The following PTDSS1 variants were observed in gnomAD, a reference collection of about 807,000 sequenced individuals.
PTDSS1 encodes the protein PSS-1.
In PTDSS1, 45 loss-of-function variants were observed where a neutral mutation model predicts 70.5. The ratio of observed to expected loss-of-function variants is 0.64; its 90% CI spans 0.50 to 0.82. PTDSS1 has a LOEUF of 0.82. Ranked by LOEUF, PTDSS1 falls within the 40% of genes least tolerant of loss-of-function variation. The pLI is 0.00. For missense variants in PTDSS1, 417 were observed against 586.1 expected, an observed-to-expected ratio of 0.71 and a Z score of 2.98; for synonymous variants, 188 against 203.8, an observed-to-expected ratio of 0.92 and a Z score of 0.66.
intron 10 of PTDSS1, among the ~76,000 whole-genome samples, chr8:96,327,714 C>A (rs1811457453): frequency 6.6e-6 from 1 of 152,060 alleles, no homozygotes; most frequent in South Asian, 2.1e-4. Context: ...GTCTGCTCGG[C>A]CGTCATTAAT....
chr8:96,330,302 A>T (rs200553943), intron 11 of PTDSS1, 21 bp downstream of exon 11: 1 of 1,595,666 alleles, frequency 6.3e-7, no homozygotes, highest in East Asian at 2.2e-5. Context: ...AGAGGCAGGC[A>T]TGGCCATTGT....
In PTDSS1 at chr8:96,331,107, T is replaced by A; in HGVS notation, c.1312+12T>A. The A allele has an allele frequency of 7.7e-7, 1 of 1,301,212 alleles. No homozygotes were observed. The highest frequency in any genetic ancestry group is 1.2e-5 in the South Asian group (1 of 81,344). 80.6% of individuals were successfully genotyped at this position (1,301,212 alleles called of 1,614,324 possible). On this transcript the variant is annotated intron_variant, in intron 12 of 12. Coordinates refer to ENST00000517309, the MANE Select transcript of PTDSS1 (RefSeq NM_014754.3). The stretch of plus-strand genomic sequence containing the variant: ...GAAAGGGACAAAAGGTATCTTGTTC[T>A]TGTTCGTTGTTTAAAATTTTACTGG...
Position 96,309,749 on chromosome 8 carries a change from ATATATCTATATC to A in PTDSS1, c.1073+139_1073+150del, listed in dbSNP as rs3060814. 85 of 682,828 alleles carry A rather than the reference ATATATCTATATC, an allele frequency of 1.2e-4. No individual in the cohort carries two copies. The African/African-American group carries it at 1.4e-3, about 11-fold the overall frequency. The allele number at this position is 682,828 out of a possible 1,614,324, so 42.3% of individuals were successfully genotyped here. Reference sequence around the variant, plus strand: ...TATGAAGACAGGTGGACTAGATTTTATATATCTATATCTATATCTATATATACATAGATATAT... The same window carrying A: ...TATGAAGACAGGTGGACTAGATTTTATATATCTATATATACATAGATATAT... On this transcript the variant is annotated intron_variant, in intron 9 of 12. Coordinates refer to ENST00000517309, the MANE Select transcript of PTDSS1 (RefSeq NM_014754.3).
At chr8:96,297,521 C>T (rs897975585) in intron 5 of PTDSS1, among the ~76,000 whole-genome samples, 6 of 152,180 alleles carry the variant, frequency 3.9e-5, no homozygotes, top group African/African-American at 1.4e-4. Context: ...ACCCTGCCTA[C>T]GAGGCTCCAG....
At chr8:96,316,013 C>T (rs1811283211) in intron 9 of PTDSS1, among the ~76,000 whole-genome samples, 1 of 152,318 alleles carries the variant, frequency 6.6e-6, no homozygotes, top group South Asian at 2.1e-4. Flanking sequence ...AAACTAGCCA[C>T]TCTTTGAGTC....
chr8:96,284,668 A>T (rs536529051), intron 3 of PTDSS1, among the ~76,000 whole-genome samples: 2 of 152,350 alleles, frequency 1.3e-5, no homozygotes, highest in South Asian at 2.1e-4. Context: ...ATTTTTACTT[A>T]ATTTTGTAGT....
Position 96,333,732 on chromosome 8 carries a change from C to T in PTDSS1, c.*166C>T, listed in dbSNP as rs770310484. ...ATCGTAAGTCTTGTTTCCCACAGACCTGGCCGCGTCAGGCAGATCATCGCC... is the reference window on the plus strand; with the variant it reads ...ATCGTAAGTCTTGTTTCCCACAGACTTGGCCGCGTCAGGCAGATCATCGCC... On this transcript the variant is annotated 3_prime_UTR_variant, in exon 13 of 13. Transcript: ENST00000517309. 10 of 753,202 alleles carry T rather than the reference C, an allele frequency of 1.3e-5. No individual in the cohort carries two copies. Among genetic ancestry groups the T allele is most frequent in the African/African-American group, 5.2e-5 (3 of 57,956 alleles). The allele number at this position is 753,202 out of a possible 1,614,324, so 46.7% of individuals were successfully genotyped here. A position where few individuals can be genotyped will look rare whatever the true frequency, so the allele number is the denominator to read the frequency against.
At chr8:96,316,705 G>A (rs1025993778) in intron 9 of PTDSS1, among the ~76,000 whole-genome samples, 2 of 151,990 alleles carry the variant, frequency 1.3e-5, no homozygotes, top group Non-Finnish European at 1.5e-5. Flanking sequence ...AAAACATTAA[G>A]CAAACTGGCC....
intron 9 of PTDSS1, among the ~76,000 whole-genome samples, chr8:96,314,862 C>T (rs796075567): frequency 3.1e-4 from 47 of 152,272 alleles, no homozygotes; most frequent in African/African-American, 1.1e-3. Flanking sequence ...TCCCAAAGTG[C>T]TGGGATTACA....
At chr8:96,318,124 T>A (rs1484951201) in intron 9 of PTDSS1, among the ~76,000 whole-genome samples, 1 of 151,776 alleles carries the variant, frequency 6.6e-6, no homozygotes, top group African/African-American at 2.4e-5. Flanking sequence ...GAGGAGTTGG[T>A]GACCAGCCTG....
chr8:96,325,404 G>A (rs1034687688), intron 10 of PTDSS1, among the ~76,000 whole-genome samples: 1 of 152,228 alleles, frequency 6.6e-6, no homozygotes, highest in African/African-American at 2.4e-5. Flanking sequence ...CAACAGACAT[G>A]CTGGGGGTTG....
chr8:96,276,133 C>T (rs1198824175), intron 2 of PTDSS1, among the ~76,000 whole-genome samples: 1 of 152,128 alleles, frequency 6.6e-6, no homozygotes, highest in African/African-American at 2.4e-5. Context: ...TGTTTCTGAG[C>T]CCAGAGCTGT....
intron 1 of PTDSS1, among the ~76,000 whole-genome samples, chr8:96,265,725 A>T (rs550748127): frequency 6.6e-6 from 1 of 152,226 alleles, no homozygotes; most frequent in Non-Finnish European, 1.5e-5. Context: ...ACCATACTCC[A>T]GCCTCCACCC....
chr8:96,294,059 A>G (rs6468496), intron 4 of PTDSS1, among the ~76,000 whole-genome samples: 13,579 of 152,198 alleles, frequency 0.089, 1,937 homozygotes, highest in African/African-American at 0.3. Flanking sequence ...TCTTTTCTCC[A>G]GATTTCCCAT....
intron 7 of PTDSS1, among the ~76,000 whole-genome samples, chr8:96,304,407 A>T (rs1811095607): frequency 6.6e-6 from 1 of 152,200 alleles, no homozygotes; most frequent in African/African-American, 2.4e-5. Context: ...TTGAATTACA[A>T]ATTAGAAACA....
rs1811580682 is a variant in PTDSS1, at chr8:96,335,391, C to T, written c.*1825C>T. The T allele has an allele frequency of 6.6e-6, 1 of 152,224 alleles. No homozygotes were observed. The highest frequency in any genetic ancestry group is 2.1e-4 in the South Asian group (1 of 4,834). The allele number at this position is 152,224 out of a possible 1,614,324, so 9.4% of individuals were successfully genotyped here. A position where few individuals can be genotyped will look rare whatever the true frequency, so the allele number is the denominator to read the frequency against. ...GAGAAGACACCTGTCTCTTCTTTCT[C>T]ACACCGGTGGTGCCTCACTGAGTGT... On this transcript the variant is annotated 3_prime_UTR_variant, in exon 13 of 13. Transcript: ENST00000517309.
At chr8:96,319,519 T>G (rs1811345410) in intron 9 of PTDSS1, among the ~76,000 whole-genome samples, 1 of 152,038 alleles carries the variant, frequency 6.6e-6, no homozygotes, top group East Asian at 1.9e-4. Context: ...AAATTTGTAT[T>G]TAGCACAATC....
rs1361886944 is a variant in PTDSS1 at position 96,334,051 on chromosome 8, A to T, written c.*485A>T. The T allele has an allele frequency of 9.6e-6, 4 of 415,780 alleles. No individual in the cohort carries two copies. The highest frequency in any genetic ancestry group is 1.7e-5 in the Non-Finnish European group (4 of 234,978). 25.8% of individuals were successfully genotyped at this position (415,780 alleles called of 1,614,324 possible). On this transcript the variant is annotated 3_prime_UTR_variant, in exon 13 of 13. Transcript: ENST00000517309. The stretch of plus-strand genomic sequence containing the variant: ...TGTCTTTTATTTGGTTACTGTTGTT[A>T]TTTGTTTTTAAGTTAGGATGCTTTT...
intron 8 of PTDSS1, among the ~76,000 whole-genome samples, chr8:96,308,561 C>A (rs1334533604): frequency 6.6e-6 from 1 of 152,148 alleles, no homozygotes; most frequent in Non-Finnish European, 1.5e-5. Context: ...AGACTCCAAG[C>A]CATGCTGTCC....
Sources: allele counts gnomAD v4.1 joint callset (sites outside exome capture counted in the v4.1 genomes callset), GRCh38; gene constraint gnomAD v4.1.1; transcripts MANE v1.5; gene names NCBI Gene and HGNC (gene_info 2026-07-23, HGNC 2026-07-21).